PRKCZ: variants seen among roughly 807,000 people sequenced by gnomAD.
PRKCZ encodes the protein protein kinase C zeta type.
PRKCZ carries 33 observed loss-of-function variants against 79.5 expected under a neutral mutation model. That is an observed-to-expected ratio of 0.41 (90% CI 0.31 to 0.55). The LOEUF (loss-of-function observed/expected upper bound fraction) is 0.55. PRKCZ is among the 20% of genes least tolerant of loss of function. The pLI is 0.19. For synonymous variants in PRKCZ, 342 were observed against 320.9 expected, an observed-to-expected ratio of 1.07 and a Z score of -0.70; for missense variants, 578 against 813.5, an observed-to-expected ratio of 0.71 and a Z score of 3.52.
intron 11 of PRKCZ, among the ~76,000 whole-genome samples, chr1:2,170,369 T>C (rs1474575430): frequency 6.6e-6 from 1 of 152,222 alleles, no homozygotes; most frequent in African/African-American, 2.4e-5. Context: ...CTTTTCCTCA[T>C]TTCCTTACTT....
intron 5 of PRKCZ, chr1:2,143,275 C>T (rs763066758): frequency 3.9e-5 from 6 of 152,288 alleles, no homozygotes; most frequent in East Asian, 3.9e-4. Context: ...CTGATCCACC[C>T]GCCTCGGCCT....
At chr1:2,109,672 G>A (rs1669325297) in intron 4 of PRKCZ, among the ~76,000 whole-genome samples, 1 of 152,188 alleles carries the variant, frequency 6.6e-6, no homozygotes, top group South Asian at 2.1e-4. Flanking sequence ...CACGCCCACT[G>A]CAGTGTCCGG....
intron 4 of PRKCZ, among the ~76,000 whole-genome samples, chr1:2,096,830 A>C (rs1396163464): frequency 2.0e-5 from 3 of 152,176 alleles, no homozygotes; most frequent in African/African-American, 4.8e-5. Flanking sequence ...CTCGCTCTGC[A>C]ACAAATCTCC....
At chr1:2,105,130 G>A (rs1035668658) in intron 4 of PRKCZ, among the ~76,000 whole-genome samples, 1 of 152,120 alleles carries the variant, frequency 6.6e-6, no homozygotes, top group East Asian at 1.9e-4. Context: ...CATCCCTGTG[G>A]CTTTGAAGGC....
In PRKCZ at chr1:2,172,060, A is replaced by T. The variant is rs1684549424; in HGVS notation, c.1067A>T (p.Tyr356Phe). The T allele has an allele frequency of 6.2e-7, 1 of 1,604,104 alleles. No individual in the cohort carries two copies. Among genetic ancestry groups the T allele is most frequent in the South Asian group, 1.1e-5 (1 of 89,430 alleles). ...GACGGCATCCCCACCCCCAGGTTCT[A>T]CGCGGCCGAGATCTGCATCGCCCTC... ...RKLPEEHARF[Y>F]AAEICIALNF... is the part of the protein sequence containing the mutation. Residue 356 changes from tyrosine to phenylalanine, a missense_variant, in exon 12 of 18, where the codon TAC (tyrosine) becomes TTC (phenylalanine). Physicochemically the swap from Tyr to Phe is conservative, Grantham distance 22 (BLOSUM62 3). Coordinates refer to ENST00000378567, the MANE Select transcript of PRKCZ (RefSeq NM_002744.6). The surrounding 1 kb of genome is among the most constrained non-coding windows in gnomAD (Gnocchi z 7.8).
At chr1:2,148,837 C>T (rs865993554) in intron 7 of PRKCZ, 35 bp from the exon 8 acceptor site, 1 of 1,609,202 alleles carries the variant, frequency 6.2e-7, no homozygotes, top group Non-Finnish European at 8.5e-7. Flanking sequence ...CCTGACCACA[C>T]CGTAACGCCC....
At chr1:2,156,790 A>T (rs1008459637) in intron 10 of PRKCZ, 1 of 152,394 alleles carries the variant, frequency 6.6e-6, no homozygotes, top group African/African-American at 2.4e-5. Context: ...AATTGTGACA[A>T]CTCATGGTTT....
At chr1:2,048,570 C>A (rs1044880334), upstream of PRKCZ, among the ~76,000 whole-genome samples, 1 of 152,122 alleles carries the variant, frequency 6.6e-6, no homozygotes, top group Non-Finnish European at 1.5e-5. Context: ...AGCTGGCCTT[C>A]CCTCCAGGAG....
At chr1:2,108,596 C>T (rs576324838) in intron 4 of PRKCZ, among the ~76,000 whole-genome samples, 43 of 152,372 alleles carry the variant, frequency 2.8e-4, no homozygotes, top group South Asian at 8.3e-4. Context: ...GCACAGCTGA[C>T]GGCAGCCCCT....
At position 2,179,790 on chromosome 1, in the gene PRKCZ, C is replaced by T. The variant is rs370051103; in HGVS notation, c.1575+4477C>T. On this transcript the variant is annotated intron_variant, in intron 16 of 17. Transcript: ENST00000378567. The stretch of plus-strand genomic sequence containing the variant: ...GGGAGGAGCAAGGACTCTAATGCTT[C>T]GTGTGGTGGGAGCCTCAGGACTTTC... Among the ~76,000 whole-genome samples, 38 of 152,190 alleles carry T rather than the reference C, an allele frequency of 2.5e-4. 1 individual carries two copies. The East Asian group carries it at 7.2e-3, about 29-fold the overall frequency.
intron 16 of PRKCZ, chr1:2,182,155 A>G (rs1252289271): frequency 1.2e-5 from 3 of 240,204 alleles, no homozygotes; most frequent in Non-Finnish European, 1.7e-5. Flanking sequence ...GTAAGTTCCC[A>G]AAAGCCTATG....
intron 4 of PRKCZ, among the ~76,000 whole-genome samples, chr1:2,096,951 C>G (rs1287884346): frequency 6.6e-6 from 1 of 152,230 alleles, no homozygotes; most frequent in African/African-American, 2.4e-5. Flanking sequence ...TGTCACTGAG[C>G]GTAGGCCTGG....
At chr1:2,104,702 G>A in intron 4 of PRKCZ, 3 of 985,890 alleles carry the variant, frequency 3.0e-6, no homozygotes, top group African/African-American at 1.7e-5. Context: ...GGCCTGCCCT[G>A]GCGAGGGGTG....
intron 15 of PRKCZ, 117 bp from the exon 16 acceptor site, chr1:2,175,107 C>G (rs2100401431): frequency 2.3e-6 from 2 of 879,782 alleles, no homozygotes; most frequent in Non-Finnish European, 3.6e-6. Context: ...ATTTCCACCA[C>G]CTGGGTCAGA....
intron 1 of PRKCZ, among the ~76,000 whole-genome samples, chr1:2,051,961 G>A (rs1034912205): frequency 3.9e-5 from 6 of 152,160 alleles, no homozygotes; most frequent in African/African-American, 1.4e-4. Context: ...ATTTCTGGGG[G>A]ACTGACCGTC....
Position 2,173,885 on chromosome 1 carries a change from G to A in PRKCZ, c.1286-12G>A, listed in dbSNP as rs1394973559. 1.5e-5 allele frequency: 23 copies of A among 1,585,984 alleles called. No individual in the cohort carries two copies. The highest frequency in any genetic ancestry group is 1.8e-5 in the Non-Finnish European group (21 of 1,163,614). On this transcript the variant is annotated splice_polypyrimidine_tract_variant and intron_variant, in intron 13 of 17. Coordinates refer to ENST00000378567, the MANE Select transcript of PRKCZ (RefSeq NM_002744.6). This position sits in a 1 kb window ranked among gnomAD's most constrained non-coding sequence, Gnocchi z 5.7. Reference sequence around the variant, plus strand: ...TGGCCCCACTCGGTGATGGCTGTGTGCTCTCCCCCAGGGTTCAGCGTGGAC... The same window carrying A: ...TGGCCCCACTCGGTGATGGCTGTGTACTCTCCCCCAGGGTTCAGCGTGGAC...
chr1:2,122,712 TGTG>T lies in PRKCZ; in HGVS notation c.335-12544_335-12542del, dbSNP rs1672607211. Among the ~76,000 whole-genome samples the T allele has an allele frequency of 3.8e-4, 2 of 5,276 alleles. 1 individual carries two copies. The highest frequency in any genetic ancestry group is 0.11 in the Middle Eastern group (2 of 18). The allele number at this position is 5,276 out of a possible 152,430, so 3.5% of individuals were successfully genotyped here. On this transcript the variant is annotated intron_variant, in intron 4 of 17. Coordinates refer to ENST00000378567, the MANE Select transcript of PRKCZ (RefSeq NM_002744.6). ...TGGTTAGGGTTGTGGTGGTTAGGGT[TGTG>T]GTGGTTAGGGTCGTGGTGGTTAGGG...
chr1:2,101,129 C>T (rs909205672), intron 4 of PRKCZ, among the ~76,000 whole-genome samples: 5 of 151,980 alleles, frequency 3.3e-5, no homozygotes, highest in African/African-American at 4.8e-5. Flanking sequence ...TCCCTCTAAA[C>T]GACATGTGAG....
intron 2 of PRKCZ, chr1:2,055,820 C>T: frequency 2.3e-6 from 1 of 439,368 alleles, no homozygotes; most frequent in Non-Finnish European, 4.0e-6. Context: ...CTGCCCCACC[C>T]TGGGCAGGTC....
Sources: allele counts gnomAD v4.1 joint callset (sites outside exome capture counted in the v4.1 genomes callset), GRCh38; gene constraint gnomAD v4.1.1; non-coding constraint Gnocchi (gnomAD v3.1); transcripts MANE v1.5; gene names NCBI Gene and HGNC (gene_info 2026-07-23, HGNC 2026-07-21).